AAMDC: variants seen among roughly 807,000 people sequenced by gnomAD.
AAMDC encodes the protein adipogenesis associated Mth938 domain containing, also known as mth938 domain-containing protein.
In AAMDC, 16 loss-of-function variants were observed where a neutral mutation model predicts 15.5. The observed-to-expected ratio is 1.03, with a 90% confidence interval of 0.70 to 1.57. The LOEUF (loss-of-function observed/expected upper bound fraction) is 1.57, where lower values mean the gene tolerates loss of function less well. AAMDC is among the 40% of genes most tolerant of loss of function. AAMDC has a pLI of 0.00. For synonymous variants in AAMDC, 51 were observed against 51.6 expected (o/e 0.99, Z 0.05); for missense variants, 141 against 144.9 (o/e 0.97, Z 0.14).
In AAMDC at chr11:77,872,158, C is replaced by A; in HGVS notation, c.229-17C>A. 1 of 1,609,276 alleles carries A rather than the reference C, an allele frequency of 6.2e-7. No individual in the cohort carries two copies. Among genetic ancestry groups the A allele is most frequent in the Non-Finnish European group, 8.5e-7 (1 of 1,178,054 alleles). ...GGCCTTTCCCCCTACTTACTCATCT[C>A]TTTTCCACCTTCCCAGGTGCCTTCA... On this transcript the variant is annotated splice_polypyrimidine_tract_variant and intron_variant, in intron 3 of 3. Transcript: ENST00000393427.
At chr11:77,880,153 C>G (rs77611459) in intron 5 of AAMDC, among the ~76,000 whole-genome samples, 1 of 152,118 alleles carries the variant, frequency 6.6e-6, no homozygotes, top group Non-Finnish European at 1.5e-5. Flanking sequence ...GCAACCAGAG[C>G]AAAAAGTGTA....
At chr11:77,856,862 A>AT (rs921534143) in intron 2 of AAMDC, among the ~76,000 whole-genome samples, 5 of 152,186 alleles carry the variant, frequency 3.3e-5, no homozygotes, top group Admixed American at 3.3e-4. Context: ...AATCCAAACC[A>AT]TGTCAGTATT....
chr11:77,900,324 C>T (rs1461822110), intron 5 of AAMDC, among the ~76,000 whole-genome samples: 1 of 152,122 alleles, frequency 6.6e-6, no homozygotes, highest in Non-Finnish European at 1.5e-5. Context: ...TGCTCTTGAT[C>T]TCCTGACCTC....
chr11:77,880,012 T>C (rs1452817562), intron 5 of AAMDC, among the ~76,000 whole-genome samples: 1 of 152,182 alleles, frequency 6.6e-6, no homozygotes, highest in Non-Finnish European at 1.5e-5. Context: ...GCCCAGTTCA[T>C]AAACTGAAGC....
intron 2 of AAMDC, chr11:77,850,902 A>T (rs1950349032): frequency 1.3e-5 from 2 of 151,804 alleles, no homozygotes; most frequent in South Asian, 4.2e-4. Flanking sequence ...CTCCTCTATA[A>T]CTACAATTCT....
chr11:77,877,125 GTGGAAATAGACTGCC>G (rs1388665614), downstream of AAMDC: 22 of 680,612 alleles, frequency 3.2e-5, no homozygotes, highest in Non-Finnish European at 4.8e-5. Flanking sequence ...TCATGACCTC[GTGGAAATAGACTGCC>G]TGGAAATAGA....
Position 77,868,546 on chromosome 11 carries a change from A to G in AAMDC, c.133-1176A>G, listed in dbSNP as rs548666279. The stretch of plus-strand genomic sequence containing the variant: ...GCTAATTTTTGTATTTTTAGTTGAG[A>G]TGGGGTTTCGCCATGTTGACCAGGC... On this transcript the variant is annotated intron_variant, in intron 2 of 3. Transcript: ENST00000393427. Among the ~76,000 whole-genome samples the G allele has an allele frequency of 2.7e-5, 4 of 145,944 alleles. No individual in the cohort carries two copies. The South Asian group carries it at 8.7e-4, about 32-fold the overall frequency.
intron 5 of AAMDC, among the ~76,000 whole-genome samples, chr11:77,900,341 T>C (rs547637723): frequency 6.0e-4 from 91 of 152,246 alleles, no homozygotes; most frequent in African/African-American, 5.3e-4. Flanking sequence ...CCTCGTGATC[T>C]GCCCACCTTG....
intron 1 of AAMDC, chr11:77,840,949 G>A: frequency 4.3e-6 from 2 of 462,586 alleles, no homozygotes; most frequent in Non-Finnish European, 7.7e-6. Flanking sequence ...TCCATGTTGT[G>A]CTCCTATAAC....
chr11:77,871,204 G>C (rs1217416654), intron 3 of AAMDC, among the ~76,000 whole-genome samples: 3 of 152,096 alleles, frequency 2.0e-5, no homozygotes, highest in African/African-American at 7.2e-5. Context: ...AGAAAATATA[G>C]GGCATATTAA....
chr11:77,872,614 A>G (rs954184397), downstream of AAMDC, among the ~76,000 whole-genome samples: 7 of 152,124 alleles, frequency 4.6e-5, no homozygotes, highest in South Asian at 1.2e-3. Context: ...CTACTAACCA[A>G]CCCTGAGACT....
chr11:77,844,627 G>T (rs1041554546), intron 2 of AAMDC, among the ~76,000 whole-genome samples: 1 of 152,160 alleles, frequency 6.6e-6, no homozygotes, highest in African/African-American at 2.4e-5. Flanking sequence ...CTCCCAAAAT[G>T]CTGAGATTAC....
At chr11:77,867,722 C>T (rs1951181848) in intron 2 of AAMDC, among the ~76,000 whole-genome samples, 1 of 152,188 alleles carries the variant, frequency 6.6e-6, no homozygotes, top group South Asian at 2.1e-4. Context: ...CTCCCATATC[C>T]CCTTTGCTGA....
At chr11:77,841,133 CT>C in intron 1 of AAMDC, 1 of 695,794 alleles carries the variant, frequency 1.4e-6, no homozygotes, top group South Asian at 1.5e-5. Flanking sequence ...GAGGGCCATA[CT>C]TGTCCTTTTA....
chr11:77,867,425 T>G (rs370769906), intron 2 of AAMDC, among the ~76,000 whole-genome samples: 17 of 152,196 alleles, frequency 1.1e-4, no homozygotes, highest in Admixed American at 5.2e-4. Flanking sequence ...CAACTCCATT[T>G]CTTCTCATCC....
chr11:77,869,323 T>C (rs1301817517), intron 2 of AAMDC: 1 of 166,320 alleles, frequency 6.0e-6, no homozygotes, highest in Non-Finnish European at 1.3e-5. Context: ...TTTTTTTTTT[T>C]TTTTTTTTAG....
At chr11:77,831,266 G>A (rs1367317315) in intron 1 of AAMDC, among the ~76,000 whole-genome samples, 1 of 152,136 alleles carries the variant, frequency 6.6e-6, no homozygotes, top group African/African-American at 2.4e-5. Flanking sequence ...GCAAAGTTGT[G>A]GATCTGCTAT....
At chr11:77,828,282 C>G (rs1949268184) in intron 1 of AAMDC, among the ~76,000 whole-genome samples, 1 of 150,950 alleles carries the variant, frequency 6.6e-6, no homozygotes, top group African/African-American at 2.4e-5. Flanking sequence ...CTCAAAAAAA[C>G]AAAATACACA....
At chr11:77,902,071 T>C (rs1952794476), downstream of AAMDC, among the ~76,000 whole-genome samples, 1 of 152,216 alleles carries the variant, frequency 6.6e-6, no homozygotes, top group South Asian at 2.1e-4. Flanking sequence ...CTTGCTCGGT[T>C]CTATCCAAAT....
Sources: gnomAD v4.1 joint callset for allele counts (sites outside exome capture counted in the v4.1 genomes callset) on GRCh38, gnomAD v4.1.1 for gene constraint, MANE v1.5 for transcripts, NCBI Gene and HGNC (gene_info 2026-07-23, HGNC 2026-07-21) for gene names.